The following PDE1C variants were observed in gnomAD, a reference collection of about 807,000 sequenced individuals.
The protein encoded by PDE1C is dual specificity calcium/calmodulin-dependent 3',5'-cyclic nucleotide phosphodiesterase 1C.
Under a neutral mutation model 93.1 loss-of-function variants are expected in PDE1C, and 62 were observed. The observed-to-expected ratio is 0.67, with a 90% CI of 0.54 to 0.82. PDE1C has a LOEUF of 0.82. Among genes scored for constraint, PDE1C ranks in the 40% least tolerant of loss-of-function variants. PDE1C has a pLI of 0.00. For missense variants in PDE1C, 742 were observed against 884.6 expected (o/e 0.84, Z 2.04); for synonymous variants, 325 against 310.1 (o/e 1.05, Z -0.50).
At chr7:31,976,700 G>C (rs1213602508) in intron 2 of PDE1C, among the ~76,000 whole-genome samples, 1 of 152,136 alleles carries the variant, frequency 6.6e-6, no homozygotes, top group Admixed American at 6.5e-5. Flanking sequence ...TTTATACCCA[G>C]TCTCCCCACA....
intron 3 of PDE1C, among the ~76,000 whole-genome samples, chr7:32,088,066 GA>G (rs1263863391): frequency 1.3e-5 from 2 of 151,750 alleles, no homozygotes; most frequent in Non-Finnish European, 2.9e-5. Context: ...ATATTGGCAG[GA>G]AAACTTACAT....
At chr7:32,040,936 T>C (rs186021849) in intron 2 of PDE1C, among the ~76,000 whole-genome samples, 49 of 152,158 alleles carry the variant, frequency 3.2e-4, no homozygotes, top group African/African-American at 1.0e-3. Context: ...GTAAATAAGA[T>C]CCAGACTCTG....
intron 1 of PDE1C, among the ~76,000 whole-genome samples, chr7:32,306,977 C>T (rs557419377): frequency 4.6e-5 from 7 of 152,306 alleles, no homozygotes; most frequent in Admixed American, 2.6e-4. Flanking sequence ...AATCTGATTC[C>T]GGACTCTCTC....
intron 3 of PDE1C, among the ~76,000 whole-genome samples, chr7:32,108,546 A>G (rs1798469332): frequency 6.6e-6 from 1 of 152,118 alleles, no homozygotes; most frequent in African/African-American, 2.4e-5. Flanking sequence ...ATAATTCCAG[A>G]AGAAAATTCT....
At chr7:32,127,194 C>T (rs374187592) in intron 3 of PDE1C, among the ~76,000 whole-genome samples, 19 of 152,262 alleles carry the variant, frequency 1.2e-4, no homozygotes, top group African/African-American at 4.6e-4. Flanking sequence ...GAGAATAATA[C>T]CATCTGCTCT....
chr7:32,017,657 G>A (rs546573884), intron 2 of PDE1C, among the ~76,000 whole-genome samples: 11 of 151,916 alleles, frequency 7.2e-5, no homozygotes, highest in Middle Eastern at 3.2e-3. Context: ...TTATTAAAAC[G>A]ACAAACAACC....
At chr7:32,115,165 G>T (rs377527824) in intron 3 of PDE1C, among the ~76,000 whole-genome samples, 1 of 152,130 alleles carries the variant, frequency 6.6e-6, no homozygotes, top group East Asian at 1.9e-4. Flanking sequence ...ACACGCCCAC[G>T]TATGTTTATT....
intron 16 of PDE1C, among the ~76,000 whole-genome samples, chr7:31,792,980 AG>A (rs1364071397): frequency 6.6e-6 from 1 of 152,090 alleles, no homozygotes; most frequent in Non-Finnish European, 1.5e-5. Flanking sequence ...ATACCTCACA[AG>A]GTAAAGCTGT....
chr7:31,998,112 T>C (rs2128552294), intron 2 of PDE1C, among the ~76,000 whole-genome samples: 1 of 152,254 alleles, frequency 6.6e-6, no homozygotes, highest in South Asian at 2.1e-4. Context: ...CTCTGCCTCC[T>C]GTGTTCACAC....
chr7:32,225,212 T>A (rs1807169585), intron 1 of PDE1C, among the ~76,000 whole-genome samples: 1 of 151,986 alleles, frequency 6.6e-6, no homozygotes, highest in South Asian at 2.1e-4. Flanking sequence ...CGTTAAGGGG[T>A]GGTGAGGCAG....
intron 3 of PDE1C, among the ~76,000 whole-genome samples, chr7:32,146,256 A>C (rs770003755): frequency 2.0e-5 from 3 of 152,150 alleles, no homozygotes; most frequent in Non-Finnish European, 4.4e-5. Flanking sequence ...TCCCATTGCC[A>C]CTGGAGCAAA....
chr7:31,678,193 T>C, the PDE1C span, among the ~76,000 whole-genome samples: 3 of 152,184 alleles, frequency 2.0e-5, no homozygotes, highest in Admixed American at 2.0e-4. Context: ...CTTATGAATT[T>C]AATTGAATTC....
chr7:32,132,853 G>A (rs187584962), intron 3 of PDE1C, among the ~76,000 whole-genome samples: 26 of 152,184 alleles, frequency 1.7e-4, no homozygotes, highest in Non-Finnish European at 2.6e-4. Flanking sequence ...TTAGAAGTAC[G>A]GCTAGTGAGA....
intron 2 of PDE1C, among the ~76,000 whole-genome samples, chr7:31,969,379 A>G (rs1810558643): frequency 6.6e-6 from 1 of 152,220 alleles, no homozygotes; most frequent in African/African-American, 2.4e-5. Context: ...TGGCCAAAAA[A>G]CACATGAAAA....
intron 1 of PDE1C, among the ~76,000 whole-genome samples, chr7:32,333,120 A>G (rs754619717): frequency 2.6e-5 from 4 of 152,264 alleles, no homozygotes; most frequent in African/African-American, 9.6e-5. Context: ...TAAATAACCA[A>G]AACCATAGTC....
chr7:31,876,724 C>A (rs1796644088), intron 5 of PDE1C, among the ~76,000 whole-genome samples: 1 of 152,116 alleles, frequency 6.6e-6, no homozygotes, highest in Non-Finnish European at 1.5e-5. Flanking sequence ...GTACATTACA[C>A]TGAAGTATTG....
At chr7:32,181,706 T>C (rs7784649) in intron 2 of PDE1C, among the ~76,000 whole-genome samples, 1,987 of 151,870 alleles carry the variant, frequency 0.013, 48 homozygotes, top group African/African-American at 0.044. Flanking sequence ...AGGAAAGATC[T>C]AAAATTGACA....
At chr7:31,763,485 G>A (rs779409798) in intron 17 of PDE1C, among the ~76,000 whole-genome samples, 38 of 152,246 alleles carry the variant, frequency 2.5e-4, no homozygotes, top group Non-Finnish European at 4.4e-4. Context: ...CTTGGGGCAC[G>A]TCACAGAGCT....
the PDE1C span, among the ~76,000 whole-genome samples, chr7:31,623,253 C>A: frequency 1.6e-4 from 25 of 151,950 alleles, no homozygotes; most frequent in East Asian, 5.8e-4. Flanking sequence ...AACTCATTTT[C>A]TGAGGCCAGC....
Sources: gnomAD v4.1 joint callset for allele counts (sites outside exome capture counted in the v4.1 genomes callset) on GRCh38, gnomAD v4.1.1 for gene constraint, MANE v1.5 for transcripts, NCBI Gene and HGNC (gene_info 2026-07-23, HGNC 2026-07-21) for gene names.